The following NBEA variants were observed in gnomAD, a reference collection of about 807,000 sequenced individuals.
NBEA encodes the protein lysosomal-trafficking regulator 2.
In NBEA, 44 loss-of-function variants were observed where a neutral mutation model predicts 343.4. The observed-to-expected ratio is 0.13, with a 90% confidence interval of 0.10 to 0.16. The LOEUF (loss-of-function observed/expected upper bound fraction) is 0.16, where lower values mean the gene tolerates loss of function less well. Among genes scored for constraint, NBEA ranks in the 10% least tolerant of loss-of-function variants. The pLI, the probability that NBEA is intolerant of heterozygous loss-of-function variation, is 1.00. For synonymous variants in NBEA, 1,175 were observed against 1,238.7 expected, an observed-to-expected ratio of 0.95 and a Z score of 1.08; for missense variants, 2,555 against 3,631.3, an observed-to-expected ratio of 0.70 and a Z score of 7.62.
At chr13:35,362,538 T>C (rs185401673) in intron 38 of NBEA, among the ~76,000 whole-genome samples, 108 of 152,116 alleles carry the variant, frequency 7.1e-4, no homozygotes, top group Non-Finnish European at 1.1e-3. Context: ...TATTGACAGT[T>C]ATTGAGTTAG....
At chr13:35,116,057 A>C (rs2066477932) in intron 13 of NBEA, among the ~76,000 whole-genome samples, 1 of 152,176 alleles carries the variant, frequency 6.6e-6, no homozygotes, top group African/African-American at 2.4e-5. Flanking sequence ...TGAGGTCTGG[A>C]GCATGGTGAG....
chr13:35,462,648 C>T (rs1419207719), intron 40 of NBEA, among the ~76,000 whole-genome samples: 2 of 151,960 alleles, frequency 1.3e-5, no homozygotes, highest in Admixed American at 6.6e-5. Flanking sequence ...CACTCTGGCC[C>T]TTGTGTAGAA....
intron 40 of NBEA, among the ~76,000 whole-genome samples, chr13:35,461,887 A>G (rs1038341918): frequency 2.6e-5 from 4 of 152,238 alleles, no homozygotes; most frequent in Non-Finnish European, 5.9e-5. Flanking sequence ...AAATACTTAA[A>G]CAATTAGCCC....
intron 41 of NBEA, among the ~76,000 whole-genome samples, chr13:35,541,725 G>GGTGTGT (rs3075505): frequency 0.04 from 5,761 of 145,170 alleles, 133 homozygotes; most frequent in Non-Finnish European, 0.047. Context: ...GGTCTGCATG[G>GGTGTGT]GTGTGTGTGT....
At chr13:35,482,469 T>A (rs1200982620) in intron 41 of NBEA, among the ~76,000 whole-genome samples, 1 of 151,588 alleles carries the variant, frequency 6.6e-6, no homozygotes, top group Non-Finnish European at 1.5e-5. Context: ...CACTTTTTCA[T>A]ATAATGATTT....
chr13:35,077,236 A>T (rs189824168), intron 10 of NBEA, among the ~76,000 whole-genome samples: 4 of 152,236 alleles, frequency 2.6e-5, no homozygotes, highest in Admixed American at 2.6e-4. Flanking sequence ...CTAGGCTGGT[A>T]ACTTCCAGTG....
intron 36 of NBEA, among the ~76,000 whole-genome samples, chr13:35,342,280 G>C (rs2039629039): frequency 6.6e-6 from 1 of 151,928 alleles, no homozygotes; most frequent in Non-Finnish European, 1.5e-5. Context: ...TATAGTTCGT[G>C]GTTCCACAAG....
intron 38 of NBEA, among the ~76,000 whole-genome samples, chr13:35,404,515 AC>A (rs1337332237): frequency 2.0e-5 from 3 of 149,874 alleles, no homozygotes; most frequent in Non-Finnish European, 4.4e-5. Context: ...AAAAAACCAA[AC>A]ACCGCATATT....
intron 47 of NBEA, among the ~76,000 whole-genome samples, chr13:35,594,322 T>G (rs1267550247): frequency 6.6e-6 from 1 of 152,126 alleles, no homozygotes; most frequent in Admixed American, 6.6e-5. Context: ...AAAATTGTCA[T>G]TCACATATTT....
intron 34 of NBEA, among the ~76,000 whole-genome samples, chr13:35,236,406 T>G (rs1039267115): frequency 9.5e-5 from 14 of 147,176 alleles, no homozygotes; most frequent in East Asian, 2.0e-4. Flanking sequence ...CATTTAATCC[T>G]TTTTGTTTTG....
At chr13:35,519,677 A>G (rs757566774) in intron 41 of NBEA, among the ~76,000 whole-genome samples, 5 of 152,176 alleles carry the variant, frequency 3.3e-5, no homozygotes, top group Non-Finnish European at 5.9e-5. Flanking sequence ...ATGCCTATTT[A>G]TGGGGTACAT....
chr13:35,027,235 A>G (rs1253145408), intron 1 of NBEA, among the ~76,000 whole-genome samples: 1 of 152,050 alleles, frequency 6.6e-6, no homozygotes, highest in African/African-American at 2.4e-5. Context: ...TGTTGTAGCT[A>G]TGTTTCCGTT....
chr13:35,613,078 A>AT (rs1037228630), intron 48 of NBEA, among the ~76,000 whole-genome samples: 7 of 149,450 alleles, frequency 4.7e-5, no homozygotes, highest in African/African-American at 9.8e-5. Context: ...ATATTTTAAA[A>AT]ATATATATAT....
intron 18 of NBEA, among the ~76,000 whole-genome samples, chr13:35,150,956 A>G (rs1475390502): frequency 6.6e-6 from 1 of 151,960 alleles, no homozygotes; most frequent in African/African-American, 2.4e-5. Context: ...TCTCTACTAA[A>G]AATACAAAAG....
At chr13:35,152,036 G>A (rs754405182) in intron 18 of NBEA, among the ~76,000 whole-genome samples, 7 of 151,982 alleles carry the variant, frequency 4.6e-5, no homozygotes, top group Non-Finnish European at 1.0e-4. Flanking sequence ...TTACTTCATT[G>A]TGATATTATT....
At chr13:35,325,241 A>G (rs2038458979) in intron 36 of NBEA, among the ~76,000 whole-genome samples, 1 of 152,074 alleles carries the variant, frequency 6.6e-6, no homozygotes, top group Admixed American at 6.6e-5. Context: ...AGTATAAGAA[A>G]AACAATGGAC....
At chr13:35,079,308 G>T (rs992384555) in intron 10 of NBEA, among the ~76,000 whole-genome samples, 1 of 152,066 alleles carries the variant, frequency 6.6e-6, no homozygotes, top group Non-Finnish European at 1.5e-5. Context: ...CCTTCTTTTG[G>T]ATTTACTGGA....
intron 10 of NBEA, among the ~76,000 whole-genome samples, chr13:35,076,716 A>G (rs1329159529): frequency 1.3e-5 from 2 of 152,016 alleles, no homozygotes; most frequent in African/African-American, 2.4e-5. Flanking sequence ...GCGACCATGG[A>G]CACATCTTCA....
At chr13:34,984,913 G>A (rs1280812082) in intron 1 of NBEA, among the ~76,000 whole-genome samples, 3 of 150,994 alleles carry the variant, frequency 2.0e-5, no homozygotes, top group African/African-American at 7.3e-5. Flanking sequence ...TGCTGAAGTT[G>A]CTTATCAGCT....
Sources: gnomAD v4.1 joint callset for allele counts (sites outside exome capture counted in the v4.1 genomes callset) on GRCh38, gnomAD v4.1.1 for gene constraint, MANE v1.5 for transcripts, NCBI Gene and HGNC (gene_info 2026-07-23, HGNC 2026-07-21) for gene names.